CALCOCO1: variants seen among roughly 807,000 people sequenced by gnomAD.
The protein encoded by CALCOCO1 is calcium-binding and coiled-coil domain-containing protein 1.
A neutral mutation model predicts 86.3 loss-of-function variants in CALCOCO1; 44 were observed. The observed-to-expected ratio is 0.51, with a 90% CI of 0.40 to 0.66. The LOEUF (loss-of-function observed/expected upper bound fraction) is 0.66, where lower values mean the gene tolerates loss of function less well. CALCOCO1 is among the 30% of genes least tolerant of loss of function. The pLI is 0.00. For synonymous variants in CALCOCO1, 297 were observed against 327.6 expected, an observed-to-expected ratio of 0.91 and a Z score of 1.01; for missense variants, 708 against 851.1, an observed-to-expected ratio of 0.83 and a Z score of 2.09.
At chr12:53,717,908 C>T (rs1281316136) in intron 7 of CALCOCO1, among the ~76,000 whole-genome samples, 3 of 152,060 alleles carry the variant, frequency 2.0e-5, no homozygotes, top group Admixed American at 6.6e-5. Context: ...GCCTGTAATC[C>T]CAGCTACTCA....
chr12:53,711,391 G>A lies in CALCOCO1; in HGVS notation c.*553C>T. On this transcript the variant is annotated 3_prime_UTR_variant, in exon 15 of 15. Transcript: ENST00000550804. ...TAAGGTTATGGAAAAGGCTAGGGTG[G>A]GGCACAGAAGTCAATGGGGGAACAG... The A allele has an allele frequency of 5.1e-6, 2 of 389,108 alleles. No homozygotes were observed. Among genetic ancestry groups the A allele is most frequent in the Non-Finnish European group, 9.1e-6 (2 of 220,552 alleles). 24.1% of individuals were successfully genotyped at this position (389,108 alleles called of 1,614,324 possible). A position where few individuals can be genotyped will look rare whatever the true frequency, so the allele number is the denominator to read the frequency against.
intron 7 of CALCOCO1, among the ~76,000 whole-genome samples, chr12:53,718,505 G>T (rs772666854): frequency 1.3e-5 from 2 of 152,168 alleles, no homozygotes; most frequent in African/African-American, 4.8e-5. Flanking sequence ...TGCTAAAAAG[G>T]TTTGAAAGTA....
At chr12:53,719,278 C>A (rs1945807257) in intron 7 of CALCOCO1, among the ~76,000 whole-genome samples, 1 of 151,692 alleles carries the variant, frequency 6.6e-6, no homozygotes, top group African/African-American at 2.4e-5. Flanking sequence ...GTAATCCCAG[C>A]AATTTGGGAA....
intron 14 of CALCOCO1, chr12:53,712,512 C>T (rs966634752): frequency 2.7e-5 from 6 of 224,906 alleles, no homozygotes; most frequent in East Asian, 2.6e-4. Context: ...CAGGCAAAAC[C>T]GGGACTAGAT....
At chr12:53,719,899 C>T (rs958454476) in intron 6 of CALCOCO1, 70 bp from the exon 7 acceptor site, 8 of 1,033,348 alleles carry the variant, frequency 7.7e-6, no homozygotes, top group Admixed American at 1.9e-5. Context: ...AGGCCTCTGT[C>T]TTGTGCTCTG....
At position 53,715,891 on chromosome 12, in the gene CALCOCO1, C is replaced by T; in HGVS notation, c.1162G>A (p.Ala388Thr). ...TCAGCCAGCCTGCCGTTAACTTCAGCCACTTCCAGGCGGCTGCGGTGTAGT... is the reference window on the plus strand; with the variant it reads ...TCAGCCAGCCTGCCGTTAACTTCAGTCACTTCCAGGCGGCTGCGGTGTAGT... ...AELHRSRLEVAEVNGRLAELG... is the reference protein window; with the variant it reads ...AELHRSRLEVTEVNGRLAELG... The change falls in exon 9 of 15, where the codon GCT becomes ACT. Residue 388 changes from alanine (A) to threonine (T), a missense_variant. By Grantham distance (58) the Ala-to-Thr change is moderately conservative. Transcript: ENST00000550804. The T allele has an allele frequency of 6.2e-7, 1 of 1,614,206 alleles. No homozygotes were observed. Among genetic ancestry groups the T allele is most frequent in the African/African-American group, 1.3e-5 (1 of 75,064 alleles).
chr12:53,724,240 C>T, intron 3 of CALCOCO1: 1 of 410,046 alleles, frequency 2.4e-6, no homozygotes, highest in Non-Finnish European at 4.8e-6. Context: ...ATAAGCCAGG[C>T]ATCCCCTTTT....
intron 9 of CALCOCO1, 109 bp from the exon 10 acceptor site, chr12:53,715,434 A>G: frequency 2.1e-6 from 3 of 1,417,290 alleles, no homozygotes; most frequent in African/African-American, 1.4e-5. Context: ...TTAAAGCATC[A>G]TTTTTAGAGC....
intron 9 of CALCOCO1, chr12:53,715,544 TG>T: frequency 2.7e-6 from 2 of 736,380 alleles, no homozygotes; most frequent in South Asian, 3.8e-5. Flanking sequence ...TGGCAGGGCC[TG>T]GGGTCTAGGA....
At chr12:53,713,552 T>C in intron 13 of CALCOCO1, 149 bp downstream of exon 13, 1 of 739,670 alleles carries the variant, frequency 1.4e-6, no homozygotes, top group Non-Finnish European at 2.2e-6. Context: ...TGGTCCCAGC[T>C]ACTCTTGGGA....
rs773467336 is a variant in CALCOCO1, at chr12:53,722,106, C to G, written c.528G>C (p.Glu176Asp). 2.5e-6 allele frequency: 4 copies of G among 1,613,970 alleles called. No homozygotes were observed. Among genetic ancestry groups the G allele is most frequent in the Non-Finnish European group, 2.5e-6 (3 of 1,180,044 alleles). ...LKLQLEGQVTELRSRVQELER... is the reference protein window; with the variant it reads ...LKLQLEGQVTDLRSRVQELER... The stretch of plus-strand genomic sequence containing the variant: ...CGAGCTCCTGCACTCGGCTCCTCAG[C>G]TCTGTCACCTGTCCCTCCAGCTGTA... Residue 176 changes from glutamate (E) to aspartate (D), a missense_variant, in exon 5 of 15, where the codon GAG becomes GAC. Glu to Asp is a conservative substitution (Grantham distance 45, BLOSUM62 2). Transcript: ENST00000550804.
In CALCOCO1 at chr12:53,716,363, T is replaced by C. The variant is rs1945727630; in HGVS notation, c.902A>G (p.Lys301Arg). 6.2e-7 allele frequency: 1 copy of C among 1,614,082 alleles called. No individual in the cohort carries two copies. The highest frequency in any genetic ancestry group is 8.5e-7 in the Non-Finnish European group (1 of 1,180,044). ...QENHHLNLDLKEAKSWQEEQS... is the reference protein window; with the variant it reads ...QENHHLNLDLREAKSWQEEQS... Reference sequence around the variant, plus strand: ...CTCCTCTTGCCAGCTCTTCGCCTCCTTCAGGTCCAAATTTAAGTGATGGTT... The same window carrying C: ...CTCCTCTTGCCAGCTCTTCGCCTCCCTCAGGTCCAAATTTAAGTGATGGTT... Residue 301 changes from lysine (K) to arginine (R), a missense_variant, in exon 8 of 15, where the codon AAG becomes AGG. Lys to Arg is a conservative substitution (Grantham distance 26). Coordinates refer to ENST00000550804, the MANE Select transcript of CALCOCO1 (RefSeq NM_020898.3).
chr12:53,718,286 G>A (rs1386275355), intron 7 of CALCOCO1, among the ~76,000 whole-genome samples: 2 of 152,302 alleles, frequency 1.3e-5, no homozygotes, highest in East Asian at 1.9e-4. Context: ...ATTAGTTGCT[G>A]AGGCTGGCAG....
At chr12:53,712,995 CAAG>C in intron 14 of CALCOCO1, 102 bp downstream of exon 14, 1 of 1,307,420 alleles carries the variant, frequency 7.6e-7, no homozygotes, top group Non-Finnish European at 1.1e-6. Flanking sequence ...TGGCTGAGGC[CAAG>C]AAGGGCAGGG....
chr12:53,726,062 G>C (rs951283439), intron 1 of CALCOCO1: 8 of 152,246 alleles, frequency 5.3e-5, no homozygotes, highest in Admixed American at 3.9e-4. Flanking sequence ...TGGGGAGATG[G>C]AATGTGGGGG....
chr12:53,716,057 A>G lies in CALCOCO1; in HGVS notation c.1006-10T>C. The G allele has an allele frequency of 6.2e-7, 1 of 1,610,778 alleles. No homozygotes were observed. The highest frequency in any genetic ancestry group is 8.5e-7 in the Non-Finnish European group (1 of 1,179,922). On this transcript the variant is annotated splice_polypyrimidine_tract_variant and intron_variant, in intron 8 of 14. Coordinates refer to ENST00000550804, the MANE Select transcript of CALCOCO1 (RefSeq NM_020898.3). ...AGGGCTCCAGCTCGGCCTCAGGAGA[A>G]AGGAGGAGATGGAGATCAGAGTTCC...
chr12:53,710,738 A>G lies in CALCOCO1; in HGVS notation c.*1206T>C, dbSNP rs1945530095. 6.6e-6 allele frequency: 1 copy of G among 152,670 alleles called. No individual in the cohort carries two copies. Among genetic ancestry groups the G allele is most frequent in the African/African-American group, 2.4e-5 (1 of 41,440 alleles). The allele number at this position is 152,670 out of a possible 1,614,324, so 9.5% of individuals were successfully genotyped here. A position where few individuals can be genotyped will look rare whatever the true frequency, so the allele number is the denominator to read the frequency against. ...TCAAAGGTGTACGCTCTTGACAGGAATAAAGCCTGTCCTTTGGCATAAGGT... is the reference window on the plus strand; with the variant it reads ...TCAAAGGTGTACGCTCTTGACAGGAGTAAAGCCTGTCCTTTGGCATAAGGT... On this transcript the variant is annotated 3_prime_UTR_variant, in exon 15 of 15. Transcript: ENST00000550804.
chr12:53,716,114 C>T lies in CALCOCO1; in HGVS notation c.1006-67G>A, dbSNP rs1263517110. 38 of 1,589,918 alleles carry T rather than the reference C, an allele frequency of 2.4e-5. No homozygotes were observed. The South Asian group carries it at 2.4e-4, about 10-fold the overall frequency. On this transcript the variant is annotated intron_variant, in intron 8 of 14. Coordinates refer to ENST00000550804, the MANE Select transcript of CALCOCO1 (RefSeq NM_020898.3). ...ATCATTCATCAGCCAGGGAGGTAAA[C>T]GCTCCCTCCACTCCACTGCATTAGG...
Position 53,708,571 on chromosome 12 carries a change from C to G in CALCOCO1, c.*3373G>C, listed in dbSNP as rs1350556739. Reference sequence around the variant, plus strand: ...GCTAGTTGGTGAGCTCAATGATGTTCACTTTATTATTCATTACATATATTA... The same window carrying G: ...GCTAGTTGGTGAGCTCAATGATGTTGACTTTATTATTCATTACATATATTA... On this transcript the variant is annotated 3_prime_UTR_variant, in exon 15 of 15. Transcript: ENST00000550804. The G allele has an allele frequency of 1.3e-5, 2 of 151,906 alleles. No individual in the cohort carries two copies. The highest frequency in any genetic ancestry group is 3.8e-4 in the East Asian group (2 of 5,202). 9.4% of individuals were successfully genotyped at this position (151,906 alleles called of 1,614,324 possible).
Sources: gnomAD v4.1 joint callset for allele counts (sites outside exome capture counted in the v4.1 genomes callset) on GRCh38, gnomAD v4.1.1 for gene constraint, MANE v1.5 for transcripts, NCBI Gene and HGNC (gene_info 2026-07-23, HGNC 2026-07-21) for gene names.